Variants in MLLT10 observed in about 807,000 individuals in gnomAD.
MLLT10 encodes protein AF-10.
MLLT10 carries 30 observed loss-of-function variants against 129.1 expected under a neutral mutation model. That is an observed-to-expected ratio of 0.23 (90% confidence interval 0.17 to 0.32). MLLT10 has a LOEUF of 0.32. MLLT10 is among the 10% of genes least tolerant of loss of function. The pLI, the probability that MLLT10 is intolerant of heterozygous loss-of-function variation, is 1.00. For synonymous variants in MLLT10, 490 were observed against 446.4 expected (o/e 1.10, Z -1.23); for missense variants, 1,119 against 1,268.3 (o/e 0.88, Z 1.79).
At chr10:21,566,836 G>A (rs1304685605) in intron 3 of MLLT10, among the ~76,000 whole-genome samples, 2 of 149,724 alleles carry the variant, frequency 1.3e-5, no homozygotes, top group Non-Finnish European at 3.0e-5. Context: ...TTTTTGATAC[G>A]AAGTTTCGCT....
intron 13 of MLLT10, among the ~76,000 whole-genome samples, chr10:21,698,018 G>GT (rs1381285619): frequency 2.6e-5 from 4 of 152,220 alleles, no homozygotes; most frequent in African/African-American, 7.2e-5. Context: ...GTCAGGGTAT[G>GT]TGGGGTATCC....
At chr10:21,618,825 C>T (rs949762240) in intron 8 of MLLT10, among the ~76,000 whole-genome samples, 5 of 151,834 alleles carry the variant, frequency 3.3e-5, no homozygotes, top group Admixed American at 6.6e-5. Context: ...CTCTGCTTCC[C>T]GGGTTCAAGT....
intron 3 of MLLT10, among the ~76,000 whole-genome samples, chr10:21,562,009 T>G (rs1258680515): frequency 6.6e-6 from 1 of 152,062 alleles, no homozygotes; most frequent in Non-Finnish European, 1.5e-5. Context: ...TTTCTCCATG[T>G]TGGTCAGACT....
intron 3 of MLLT10, among the ~76,000 whole-genome samples, chr10:21,580,613 A>G (rs1200036708): frequency 2.0e-5 from 3 of 151,966 alleles, no homozygotes; most frequent in Non-Finnish European, 4.4e-5. Context: ...GATGGTCTCG[A>G]TCTCCTGACC....
chr10:21,558,728 C>G (rs1274164719), intron 3 of MLLT10, among the ~76,000 whole-genome samples: 1 of 152,106 alleles, frequency 6.6e-6, no homozygotes, highest in East Asian at 1.9e-4. Context: ...TAAGTAGAGA[C>G]ATCTATTTGT....
chr10:21,639,022 T>C (rs2047725033), intron 8 of MLLT10, among the ~76,000 whole-genome samples: 1 of 152,182 alleles, frequency 6.6e-6, no homozygotes, highest in Non-Finnish European at 1.5e-5. Flanking sequence ...CAATTTTTCA[T>C]TTTTCGACTT....
At chr10:21,625,082 G>A in intron 8 of MLLT10, 1 of 877,926 alleles carries the variant, frequency 1.1e-6, no homozygotes, top group East Asian at 2.4e-5. Context: ...TAATCTTCAT[G>A]CCATAGTAAT....
chr10:21,655,947 A>G (rs1390258403), intron 9 of MLLT10, among the ~76,000 whole-genome samples: 1 of 152,216 alleles, frequency 6.6e-6, no homozygotes, highest in Non-Finnish European at 1.5e-5. Context: ...AGGTGTGGAC[A>G]TAATAGGGGA....
At chr10:21,588,042 T>G (rs917861300) in intron 4 of MLLT10, among the ~76,000 whole-genome samples, 13 of 152,080 alleles carry the variant, frequency 8.5e-5, no homozygotes, top group East Asian at 7.7e-4. Flanking sequence ...AATTTATCTG[T>G]TTTTTTTGAG....
chr10:21,710,535 GT>G (rs2055976031), intron 13 of MLLT10, among the ~76,000 whole-genome samples: 2 of 152,246 alleles, frequency 1.3e-5, no homozygotes, highest in South Asian at 4.1e-4. Flanking sequence ...AGTATTTTTA[GT>G]TTGCAGGTTT....
At chr10:21,741,817 A>G in intron 22 of MLLT10, 122 bp from the exon 23 acceptor site, 1 of 972,612 alleles carries the variant, frequency 1.0e-6, no homozygotes, top group Non-Finnish European at 1.6e-6. Flanking sequence ...AGCCTTGCCA[A>G]CTTGCAAGAA....
intron 3 of MLLT10, among the ~76,000 whole-genome samples, chr10:21,555,675 A>AATTTTTTTTTTTT (rs1554788897): frequency 1.5e-5 from 2 of 132,774 alleles, no homozygotes. Flanking sequence ...ATGTAAGACA[A>AATTTTTTTTTTTT]TTTTTTTTTT....
chr10:21,671,015 GT>G (rs1351068580), intron 10 of MLLT10: 1 of 246,050 alleles, frequency 4.1e-6, no homozygotes, highest in African/African-American at 2.3e-5. Flanking sequence ...TTTGCTTTGA[GT>G]TCTGTAGAAC....
chr10:21,688,502 A>G (rs2053517650), intron 13 of MLLT10: 2 of 1,612,842 alleles, frequency 1.2e-6, no homozygotes, highest in Admixed American at 3.3e-5. Context: ...CAGAGGTGAC[A>G]GTTCTACACT....
At chr10:21,727,993 T>C (rs987550718) in intron 16 of MLLT10, 65 bp downstream of exon 16, 1 of 1,337,626 alleles carries the variant, frequency 7.5e-7, no homozygotes, top group Non-Finnish European at 1.1e-6. Context: ...AACTTTCTTA[T>C]CTCATATCAG....
intron 3 of MLLT10, among the ~76,000 whole-genome samples, chr10:21,562,380 C>T (rs549368083): frequency 7.3e-4 from 111 of 151,290 alleles, no homozygotes; most frequent in African/African-American, 2.3e-3. Flanking sequence ...TCTTGTTGCC[C>T]AGGCTGGAGT....
chr10:21,731,124 G>A, intron 17 of MLLT10, 70 bp downstream of exon 17: 1 of 1,396,418 alleles, frequency 7.2e-7, no homozygotes. Flanking sequence ...GATGGATGCA[G>A]AAGTCACTTT....
intron 9 of MLLT10, 29 bp downstream of exon 9, chr10:21,651,797 AT>A: frequency 6.8e-7 from 1 of 1,470,622 alleles, no homozygotes; most frequent in South Asian, 1.2e-5. Flanking sequence ...ATTTTGTTTT[AT>A]GTAATAAGTA....
At chr10:21,552,423 T>C (rs962821260) in intron 3 of MLLT10, among the ~76,000 whole-genome samples, 5 of 149,832 alleles carry the variant, frequency 3.3e-5, no homozygotes, top group African/African-American at 1.2e-4. Context: ...GGAGTTTTGC[T>C]TTTGTCACCC....
Sources: allele counts gnomAD v4.1 joint callset (sites outside exome capture counted in the v4.1 genomes callset), GRCh38; gene constraint gnomAD v4.1.1; transcripts MANE v1.5; gene names NCBI Gene and HGNC (gene_info 2026-07-23, HGNC 2026-07-21).